Variants in PDE3B observed in about 807,000 individuals in gnomAD.
The protein encoded by PDE3B is cGMP-inhibited 3',5'-cyclic phosphodiesterase 3B.
PDE3B carries 66 observed loss-of-function variants against 116.8 expected under a neutral mutation model. The ratio of observed to expected loss-of-function variants is 0.56; its 90% CI spans 0.46 to 0.69. PDE3B has a LOEUF of 0.69. Among genes scored for constraint, PDE3B ranks in the 30% least tolerant of loss-of-function variants. The pLI is 0.00. For missense variants in PDE3B, 1,384 were observed against 1,368.1 expected, an observed-to-expected ratio of 1.01 and a Z score of -0.18; for synonymous variants, 595 against 533.6, an observed-to-expected ratio of 1.12 and a Z score of -1.59.
At chr11:14,668,308 A>G (rs913094333) in intron 1 of PDE3B, among the ~76,000 whole-genome samples, 2 of 152,162 alleles carry the variant, frequency 1.3e-5, no homozygotes, top group African/African-American at 4.8e-5. Context: ...TAGCCTCTAT[A>G]CAATCTAAGG....
At chr11:14,793,145 A>G (rs1027114728) in intron 4 of PDE3B, among the ~76,000 whole-genome samples, 3 of 152,188 alleles carry the variant, frequency 2.0e-5, no homozygotes, top group Admixed American at 2.0e-4. Flanking sequence ...TTCTGTGGTC[A>G]GAAAGTTCCA....
Position 14,644,506 on chromosome 11 carries a change from G to A in PDE3B, c.431G>A (p.Gly144Asp), listed in dbSNP as rs372956331. ...CFLTRTKRGP[G>D]PGRSCGSWWL... is the part of the protein sequence containing the mutation. ...CTCACCCGGACCAAGCGGGGACCCG[G>A]CCCGGGCCGGAGCTGCGGCTCCTGG... The change falls in exon 1 of 16, where the codon GGC (glycine) becomes GAC (aspartate). Residue 144 changes from glycine (G) to aspartate (D), a missense_variant. By Grantham distance (94) the Gly-to-Asp change is moderately conservative. Coordinates refer to ENST00000282096, the MANE Select transcript of PDE3B (RefSeq NM_000922.4). 6.8e-6 allele frequency: 11 copies of A among 1,610,302 alleles called. No individual in the cohort carries two copies. The highest frequency in any genetic ancestry group is 2.2e-5 in the East Asian group (1 of 44,656).
chr11:14,681,262 T>C (rs1316089831), intron 1 of PDE3B, among the ~76,000 whole-genome samples: 1 of 152,206 alleles, frequency 6.6e-6, no homozygotes, highest in African/African-American at 2.4e-5. Flanking sequence ...TGTATATTGC[T>C]TTTGTACCAC....
chr11:14,819,154 GA>G lies in PDE3B; in HGVS notation c.1755del (p.Lys585AsnfsTer57), dbSNP rs1859433503. On this transcript the variant is annotated frameshift_variant, in exon 7 of 16. Transcript: ENST00000282096. LOFTEE classifies it high-confidence loss of function. ...LCNSCGHQML[K>X]YVSTSESDGT... ...CTATAAGCTGTGGACATCAAATGCTGAAATATGTTTCAACATCTGAATCAGA... is the reference window on the plus strand; with the variant it reads ...CTATAAGCTGTGGACATCAAATGCTGAATATGTTTCAACATCTGAATCAGA... 3 of 1,595,340 alleles carry G rather than the reference GA, an allele frequency of 1.9e-6. No individual in the cohort carries two copies. Among genetic ancestry groups the G allele is most frequent in the Non-Finnish European group, 2.6e-6 (3 of 1,166,860 alleles).
chr11:14,750,271 T>C (rs937001704), intron 1 of PDE3B, among the ~76,000 whole-genome samples: 2 of 152,072 alleles, frequency 1.3e-5, no homozygotes, highest in Non-Finnish European at 2.9e-5. Context: ...TATGGGCACC[T>C]TGAAACTCAG....
At chr11:14,647,734 G>A (rs1320361108) in intron 1 of PDE3B, among the ~76,000 whole-genome samples, 2 of 151,982 alleles carry the variant, frequency 1.3e-5, no homozygotes, top group East Asian at 3.9e-4. Context: ...CTCTTTGAAA[G>A]CCACTTAAAC....
At chr11:14,848,410 T>A (rs1179274171) in intron 12 of PDE3B, among the ~76,000 whole-genome samples, 1 of 149,342 alleles carries the variant, frequency 6.7e-6, no homozygotes, top group African/African-American at 2.5e-5. Flanking sequence ...CTGGAAGCAT[T>A]CCCTTTGAAA....
intron 1 of PDE3B, among the ~76,000 whole-genome samples, chr11:14,759,119 C>A (rs1857277806): frequency 1.3e-5 from 2 of 152,154 alleles, no homozygotes; most frequent in African/African-American, 4.8e-5. Flanking sequence ...GGATGAAGCC[C>A]ACTTGATCAT....
intron 1 of PDE3B, among the ~76,000 whole-genome samples, chr11:14,757,848 T>C (rs1243271641): frequency 6.7e-6 from 1 of 149,738 alleles, no homozygotes; most frequent in East Asian, 2.0e-4. Context: ...TTGCCATTGC[T>C]TTTGGTGTTT....
At chr11:14,889,900 G>A in the PDE3B span, among the ~76,000 whole-genome samples, 3 of 152,090 alleles carry the variant, frequency 2.0e-5, no homozygotes, top group African/African-American at 7.2e-5. Flanking sequence ...AGGCCGAGGC[G>A]GGCAGATCAC....
intron 1 of PDE3B, among the ~76,000 whole-genome samples, chr11:14,665,746 A>T (rs555891822): frequency 2.0e-5 from 3 of 152,250 alleles, no homozygotes; most frequent in Admixed American, 2.0e-4. Flanking sequence ...GATCTCTTCA[A>T]GGAGAACTAC....
chr11:14,878,249 A>G, the PDE3B span: 1 of 1,613,102 alleles, frequency 6.2e-7, no homozygotes, highest in Non-Finnish European at 8.5e-7. Flanking sequence ...TGTAAAAAAC[A>G]AGAACATTTC....
At chr11:14,879,951 AT>A in the PDE3B span, among the ~76,000 whole-genome samples, 34 of 152,010 alleles carry the variant, frequency 2.2e-4, no homozygotes, top group African/African-American at 6.3e-4. Flanking sequence ...TCTTTCAGAG[AT>A]TTTTTTTACA....
chr11:14,731,016 T>G (rs2133853813), intron 1 of PDE3B, among the ~76,000 whole-genome samples: 1 of 152,292 alleles, frequency 6.6e-6, no homozygotes, highest in Non-Finnish European at 1.5e-5. Context: ...CTAAATGTAG[T>G]ATAAATATTT....
intron 1 of PDE3B, among the ~76,000 whole-genome samples, chr11:14,770,035 A>G (rs1411777111): frequency 1.3e-5 from 2 of 151,512 alleles, no homozygotes; most frequent in African/African-American, 4.8e-5. Context: ...ACTTCTACTT[A>G]GAGTTGTGAG....
chr11:14,888,378 A>G, the PDE3B span, among the ~76,000 whole-genome samples: 2 of 152,228 alleles, frequency 1.3e-5, no homozygotes, highest in South Asian at 2.1e-4. Flanking sequence ...ACATTTAAAC[A>G]TATTATTATA....
chr11:14,695,381 A>C (rs1320970060), intron 1 of PDE3B, among the ~76,000 whole-genome samples: 1 of 152,012 alleles, frequency 6.6e-6, no homozygotes, highest in Non-Finnish European at 1.5e-5. Context: ...TTTTATTTTG[A>C]GGGAGTAGTT....
chr11:14,733,637 A>G (rs1286404263), intron 1 of PDE3B, among the ~76,000 whole-genome samples: 1 of 152,158 alleles, frequency 6.6e-6, no homozygotes, highest in Non-Finnish European at 1.5e-5. Context: ...AATAACTTTC[A>G]TGAAGTTAGA....
At chr11:14,882,934 T>C in the PDE3B span, among the ~76,000 whole-genome samples, 2 of 152,100 alleles carry the variant, frequency 1.3e-5, no homozygotes, top group African/African-American at 2.4e-5. Context: ...CCATTCACAA[T>C]TGCTTCAAAG....
Sources: allele counts gnomAD v4.1 joint callset (sites outside exome capture counted in the v4.1 genomes callset), GRCh38; gene constraint gnomAD v4.1.1; transcripts MANE v1.5; gene names NCBI Gene and HGNC (gene_info 2026-07-23, HGNC 2026-07-21).